Variants in GPC6 observed in about 807,000 individuals in gnomAD.
GPC6 encodes the protein glypican 6, also known as glypican-6.
GPC6 carries 14 observed loss-of-function variants against 55.2 expected under a neutral mutation model. The ratio of observed to expected loss-of-function variants is 0.25; its 90% CI spans 0.17 to 0.40. GPC6 has a LOEUF of 0.40. Ranked by LOEUF, GPC6 falls within the 10% of genes least tolerant of loss-of-function variation. The pLI is 1.00. For missense variants in GPC6, 641 were observed against 708.5 expected (o/e 0.90, Z 1.08); for synonymous variants, 278 against 259.6 (o/e 1.07, Z -0.68).
At chr13:93,462,759 G>A (rs760668621) in intron 1 of GPC6, among the ~76,000 whole-genome samples, 1 of 151,856 alleles carries the variant, frequency 6.6e-6, no homozygotes, top group Non-Finnish European at 1.5e-5. Flanking sequence ...AACTCTCCTG[G>A]GTTCAAGCAG....
chr13:94,299,445 T>G (rs2139102967), intron 5 of GPC6, among the ~76,000 whole-genome samples: 1 of 152,330 alleles, frequency 6.6e-6, no homozygotes, highest in African/African-American at 2.4e-5. Flanking sequence ...CTCTCCAAAT[T>G]TCATATACTG....
At chr13:93,739,520 C>T (rs941545014) in intron 2 of GPC6, among the ~76,000 whole-genome samples, 3 of 151,086 alleles carry the variant, frequency 2.0e-5, no homozygotes, top group African/African-American at 7.3e-5. Context: ...AGCTCTGCCT[C>T]CCGGGTTCGC....
chr13:93,220,741 A>T, the GPC6 span, among the ~76,000 whole-genome samples: 1 of 152,208 alleles, frequency 6.6e-6, no homozygotes, highest in African/African-American at 2.4e-5. Flanking sequence ...TCTTAACAGC[A>T]ATTTTTGAAA....
chr13:94,029,516 A>G (rs1883032246), intron 4 of GPC6, among the ~76,000 whole-genome samples: 1 of 152,240 alleles, frequency 6.6e-6, no homozygotes, highest in South Asian at 2.1e-4. Context: ...ATGCTGATAA[A>G]AAGGTACACT....
At chr13:93,561,169 A>G (rs992466173) in intron 2 of GPC6, among the ~76,000 whole-genome samples, 1 of 152,076 alleles carries the variant, frequency 6.6e-6, no homozygotes, top group Admixed American at 6.6e-5. Context: ...ATGTGGAGTA[A>G]AGCATATTGA....
chr13:93,429,804 T>C (rs1877287196), intron 1 of GPC6, among the ~76,000 whole-genome samples: 1 of 152,116 alleles, frequency 6.6e-6, no homozygotes, highest in African/African-American at 2.4e-5. Flanking sequence ...CTGTCCTTCA[T>C]GCTCAGGTGC....
At chr13:94,039,213 C>T (rs1449132874) in intron 4 of GPC6, among the ~76,000 whole-genome samples, 1 of 151,944 alleles carries the variant, frequency 6.6e-6, no homozygotes, top group Non-Finnish European at 1.5e-5. Flanking sequence ...AAAAGTCAGG[C>T]CAAATACTTG....
chr13:93,590,583 T>C (rs9584143), intron 2 of GPC6, among the ~76,000 whole-genome samples: 25,159 of 152,040 alleles, frequency 0.17, 5,228 homozygotes, highest in African/African-American at 0.49. Context: ...ATATTTCTTT[T>C]CGATAACAAT....
intron 2 of GPC6, among the ~76,000 whole-genome samples, chr13:93,733,373 G>A (rs1419039372): frequency 1.3e-5 from 2 of 151,904 alleles, no homozygotes; most frequent in East Asian, 1.9e-4. Context: ...TCATGACGAT[G>A]TGTTATATAT....
At chr13:93,765,269 AAAGACAACTTTCCAGATAAGCTG>A (rs1885084928) in intron 2 of GPC6, among the ~76,000 whole-genome samples, 1 of 152,046 alleles carries the variant, frequency 6.6e-6, no homozygotes. Flanking sequence ...AGCTGTCTGG[AAAGACAACTTTCCAGATAAGCTG>A]TCTGGAAAGA....
chr13:94,207,141 T>G (rs1566543314), intron 4 of GPC6, among the ~76,000 whole-genome samples: 1 of 152,096 alleles, frequency 6.6e-6, no homozygotes, highest in East Asian at 1.9e-4. Flanking sequence ...TTTTCCAGGC[T>G]TTTTCCTTGT....
At chr13:93,953,112 TC>T (rs1430428119) in intron 3 of GPC6, among the ~76,000 whole-genome samples, 1 of 151,942 alleles carries the variant, frequency 6.6e-6, no homozygotes, top group East Asian at 1.9e-4. Flanking sequence ...TTTGTTGCCT[TC>T]ACTCTGTCTG....
At chr13:93,268,428 G>A (rs1877398655) in intron 1 of GPC6, among the ~76,000 whole-genome samples, 2 of 152,178 alleles carry the variant, frequency 1.3e-5, no homozygotes, top group African/African-American at 4.8e-5. Context: ...TGAGTACCCG[G>A]TCAGTGAGAA....
At position 93,658,790 on chromosome 13, in the gene GPC6, AG is replaced by A. The variant is rs570188347; in HGVS notation, c.319+113371del. On this transcript the variant is annotated intron_variant, in intron 2 of 8. Coordinates refer to ENST00000377047, the MANE Select transcript of GPC6 (RefSeq NM_005708.5). ...ACATTAATTTTGCTAATATTTTGTG[AG>A]GATTTTGGTATCTGTGTTCATGAAG... Among the ~76,000 whole-genome samples the A allele has an allele frequency of 1.6e-3, 240 of 151,882 alleles. 2 individuals carry two copies. The highest frequency in any genetic ancestry group is 5.4e-3 in the African/African-American group (226 of 41,540).
intron 3 of GPC6, among the ~76,000 whole-genome samples, chr13:93,884,002 A>T (rs1875161600): frequency 6.6e-6 from 1 of 152,274 alleles, no homozygotes; most frequent in Admixed American, 6.5e-5. Flanking sequence ...GTAACAAAAG[A>T]CACCGAAGTT....
At chr13:94,335,295 G>A (rs1374536552) in intron 6 of GPC6, among the ~76,000 whole-genome samples, 1 of 152,192 alleles carries the variant, frequency 6.6e-6, no homozygotes. Context: ...GATAGGATAT[G>A]CTGAATGTCC....
At chr13:94,266,947 G>A (rs1354059607) in intron 4 of GPC6, among the ~76,000 whole-genome samples, 1 of 152,130 alleles carries the variant, frequency 6.6e-6, no homozygotes, top group African/African-American at 2.4e-5. Context: ...TAACATGAAG[G>A]GTTAAGTGTC....
intron 4 of GPC6, among the ~76,000 whole-genome samples, chr13:94,107,319 C>G (rs931000874): frequency 6.6e-6 from 1 of 152,142 alleles, no homozygotes; most frequent in Admixed American, 6.6e-5. Context: ...TTTCCGGAGT[C>G]TCTGTTTTTA....
chr13:93,784,083 G>C (rs999046486), intron 2 of GPC6, among the ~76,000 whole-genome samples: 1 of 152,060 alleles, frequency 6.6e-6, no homozygotes, highest in African/African-American at 2.4e-5. Flanking sequence ...CTATGCCTAA[G>C]GTACTGCTAT....
Sources: gnomAD v4.1 joint callset for allele counts (sites outside exome capture counted in the v4.1 genomes callset) on GRCh38, gnomAD v4.1.1 for gene constraint, MANE v1.5 for transcripts, NCBI Gene and HGNC (gene_info 2026-07-23, HGNC 2026-07-21) for gene names.